Variants in DPYD observed in about 807,000 individuals in gnomAD.
DPYD encodes the protein dihydropyrimidine dehydrogenase [NADP(+)].
Under a neutral mutation model 116.2 loss-of-function variants are expected in DPYD, and 109 were observed. That is an observed-to-expected ratio of 0.94 (90% CI 0.80 to 1.10). The LOEUF is 1.10. Ranked by LOEUF, DPYD falls within the 50% of genes least tolerant of loss-of-function variation. The pLI is 0.00. For missense variants in DPYD, 1,302 were observed against 1,254.5 expected, an observed-to-expected ratio of 1.04 and a Z score of -0.57; for synonymous variants, 440 against 432.0, an observed-to-expected ratio of 1.02 and a Z score of -0.23.
At chr1:97,089,841 T>C (rs1373318981) in intron 21 of DPYD, among the ~76,000 whole-genome samples, 2 of 149,318 alleles carry the variant, frequency 1.3e-5, no homozygotes, top group Non-Finnish European at 3.0e-5. Context: ...TTTTTTTTTT[T>C]TTTTTTTTAC....
At chr1:97,820,407 C>T (rs910153589) in intron 3 of DPYD, among the ~76,000 whole-genome samples, 1 of 152,132 alleles carries the variant, frequency 6.6e-6, no homozygotes, top group Non-Finnish European at 1.5e-5. Context: ...ATATTGCTTC[C>T]ACCTCTAAAA....
intron 13 of DPYD, among the ~76,000 whole-genome samples, chr1:97,479,448 G>A (rs945648314): frequency 6.6e-6 from 1 of 152,132 alleles, no homozygotes; most frequent in Non-Finnish European, 1.5e-5. Flanking sequence ...CACACAACAC[G>A]TATTGGTTAA....
intron 2 of DPYD, among the ~76,000 whole-genome samples, chr1:97,836,788 TTAACA>T (rs368541062): frequency 1.4e-3 from 219 of 152,170 alleles, no homozygotes; most frequent in African/African-American, 5.1e-3. Flanking sequence ...GCAAGCCAAT[TTAACA>T]TAAGTCTCAA....
chr1:97,716,359 A>G (rs1454757808), intron 5 of DPYD, among the ~76,000 whole-genome samples: 1 of 152,084 alleles, frequency 6.6e-6, no homozygotes, highest in East Asian at 1.9e-4. Context: ...AAAACACCCC[A>G]TCATATATAA....
At chr1:97,357,363 A>T (rs1670477136) in intron 16 of DPYD, among the ~76,000 whole-genome samples, 2 of 147,808 alleles carry the variant, frequency 1.4e-5, no homozygotes, top group Admixed American at 6.8e-5. Flanking sequence ...ATTAGTTCTA[A>T]CAGTGTTTTT....
intron 11 of DPYD, among the ~76,000 whole-genome samples, chr1:97,551,109 A>G (rs1651289017): frequency 6.6e-6 from 1 of 152,170 alleles, no homozygotes; most frequent in South Asian, 2.1e-4. Context: ...TGGATGAATG[A>G]ATGAATGAGT....
chr1:97,483,430 C>T (rs1678432892), intron 13 of DPYD, among the ~76,000 whole-genome samples: 1 of 152,078 alleles, frequency 6.6e-6, no homozygotes, highest in Non-Finnish European at 1.5e-5. Context: ...CATAGTATTA[C>T]TTATAAGTGG....
chr1:97,408,097 G>A (rs373490976), intron 14 of DPYD, among the ~76,000 whole-genome samples: 19 of 152,160 alleles, frequency 1.2e-4, no homozygotes, highest in Admixed American at 4.6e-4. Flanking sequence ...TATGATTAAC[G>A]TCAATGGGAA....
intron 20 of DPYD, among the ~76,000 whole-genome samples, chr1:97,145,220 T>A (rs1239278299): frequency 6.6e-6 from 1 of 152,192 alleles, no homozygotes. Flanking sequence ...ATGTGCAGCA[T>A]ATTAAAATGT....
intron 20 of DPYD, among the ~76,000 whole-genome samples, chr1:97,179,850 T>G (rs1657532205): frequency 6.6e-6 from 1 of 151,844 alleles, no homozygotes; most frequent in African/African-American, 2.4e-5. Flanking sequence ...TAAAATAGAG[T>G]GGATATTTGA....
At chr1:97,189,623 C>T (rs1029791550) in intron 20 of DPYD, among the ~76,000 whole-genome samples, 1 of 152,094 alleles carries the variant, frequency 6.6e-6, no homozygotes, top group Non-Finnish European at 1.5e-5. Flanking sequence ...AAAATATATA[C>T]ATTGCCTCCA....
intron 14 of DPYD, among the ~76,000 whole-genome samples, chr1:97,405,634 GC>G (rs902687499): frequency 1.3e-5 from 2 of 151,994 alleles, no homozygotes; most frequent in Non-Finnish European, 2.9e-5. Flanking sequence ...TCCTGCCTCA[GC>G]CTCCCAAGTA....
chr1:97,602,081 C>T (rs1465325860), intron 8 of DPYD, among the ~76,000 whole-genome samples: 6 of 151,822 alleles, frequency 4.0e-5, no homozygotes, highest in Non-Finnish European at 8.8e-5. Context: ...TTCCATTACA[C>T]AAGATTCTTT....
intron 14 of DPYD, among the ~76,000 whole-genome samples, chr1:97,414,550 C>A (rs1674185280): frequency 6.6e-6 from 1 of 152,124 alleles, no homozygotes; most frequent in African/African-American, 2.4e-5. Flanking sequence ...ATAGAAAATT[C>A]ATTTGGGTTT....
At chr1:97,293,670 GGT>G (rs1666348656) in intron 18 of DPYD, among the ~76,000 whole-genome samples, 1 of 152,198 alleles carries the variant, frequency 6.6e-6, no homozygotes, top group Admixed American at 6.5e-5. Context: ...GGCCGGGTGT[GGT>G]GGCTCATGCC....
chr1:97,239,014 CT>C (rs1662141256), intron 18 of DPYD, among the ~76,000 whole-genome samples: 1 of 152,162 alleles, frequency 6.6e-6, no homozygotes, highest in Non-Finnish European at 1.5e-5. Flanking sequence ...ATGAACTGGA[CT>C]TATGAGTTGC....
chr1:97,112,807 C>G (rs1170006682), intron 20 of DPYD, among the ~76,000 whole-genome samples: 1 of 152,122 alleles, frequency 6.6e-6, no homozygotes, highest in Non-Finnish European at 1.5e-5. Flanking sequence ...AAGAAAAGGA[C>G]TTTCCATCCA....
intron 8 of DPYD, among the ~76,000 whole-genome samples, chr1:97,639,141 C>T (rs762184248): frequency 7.2e-5 from 11 of 152,046 alleles, no homozygotes; most frequent in Non-Finnish European, 1.3e-4. Context: ...ACCAGCACTA[C>T]CCATTTGCTA....
chr1:97,563,458 A>AT (rs1198701552), intron 11 of DPYD, among the ~76,000 whole-genome samples: 4 of 152,028 alleles, frequency 2.6e-5, no homozygotes, highest in African/African-American at 4.8e-5. Flanking sequence ...CAATTACGTT[A>AT]TTTTTTCCCA....
Sources: gnomAD v4.1 joint callset for allele counts (sites outside exome capture counted in the v4.1 genomes callset) on GRCh38, gnomAD v4.1.1 for gene constraint, MANE v1.5 for transcripts, NCBI Gene and HGNC (gene_info 2026-07-23, HGNC 2026-07-21) for gene names.